The following TRAK1 variants were observed in gnomAD, a reference collection of about 807,000 sequenced individuals.
TRAK1 encodes trafficking kinesin-binding protein 1.
A neutral mutation model predicts 92.1 loss-of-function variants in TRAK1; 33 were observed. The observed-to-expected ratio is 0.36, with a 90% CI of 0.27 to 0.48. The LOEUF (loss-of-function observed/expected upper bound fraction) is 0.48, where lower values mean the gene tolerates loss of function less well. Among genes scored for constraint, TRAK1 ranks in the 20% least tolerant of loss-of-function variants. The pLI is 0.99. For missense variants in TRAK1, 1,123 were observed against 1,257.9 expected (o/e 0.89, Z 1.62); for synonymous variants, 521 against 517.3 (o/e 1.01, Z -0.10).
At chr3:42,143,881 T>C (rs746276493) in intron 2 of TRAK1, among the ~76,000 whole-genome samples, 32 of 152,222 alleles carry the variant, frequency 2.1e-4, no homozygotes, top group Non-Finnish European at 4.0e-4. Flanking sequence ...TTACTTTGTC[T>C]TTCCAAGCAT....
At chr3:42,143,623 C>A (rs1296836543) in intron 2 of TRAK1, among the ~76,000 whole-genome samples, 1 of 152,116 alleles carries the variant, frequency 6.6e-6, no homozygotes, top group Non-Finnish European at 1.5e-5. Flanking sequence ...AATGGCTGAC[C>A]AGTGGCTGTG....
chr3:42,102,744 C>T (rs1706972177), intron 1 of TRAK1, among the ~76,000 whole-genome samples: 1 of 152,148 alleles, frequency 6.6e-6, no homozygotes, highest in Non-Finnish European at 1.5e-5. Context: ...TGATTTATTT[C>T]CCTTACTGCG....
At chr3:42,056,313 G>C (rs1222820170) in intron 1 of TRAK1, among the ~76,000 whole-genome samples, 2 of 152,250 alleles carry the variant, frequency 1.3e-5, no homozygotes, top group Middle Eastern at 3.4e-3. Flanking sequence ...AGTGAGTGAG[G>C]GTTCTGGTTT....
intron 1 of TRAK1, among the ~76,000 whole-genome samples, chr3:42,111,523 G>A (rs1708404487): frequency 6.6e-6 from 1 of 151,896 alleles, no homozygotes; most frequent in Admixed American, 6.6e-5. Flanking sequence ...AGCCTCCCGA[G>A]TAGCTGGGAC....
chr3:42,174,120 G>A (rs946146638), intron 2 of TRAK1, among the ~76,000 whole-genome samples: 5 of 152,216 alleles, frequency 3.3e-5, no homozygotes, highest in Non-Finnish European at 5.9e-5. Flanking sequence ...TCCACCTCCC[G>A]GGTCCAAGCA....
At chr3:42,182,315 C>CT (rs920264881) in intron 3 of TRAK1, among the ~76,000 whole-genome samples, 8 of 103,246 alleles carry the variant, frequency 7.7e-5, no homozygotes. Context: ...TTTTTTTTTT[C>CT]TTTTTTTGAG....
intron 8 of TRAK1, 68 bp downstream of exon 8, chr3:42,193,273 T>A: frequency 1.9e-6 from 3 of 1,585,692 alleles, no homozygotes; most frequent in Non-Finnish European, 2.6e-6. Context: ...GGACATTTAC[T>A]CCAGAAGACA....
chr3:42,094,219 C>T (rs925248905), intron 1 of TRAK1, among the ~76,000 whole-genome samples: 1 of 152,184 alleles, frequency 6.6e-6, no homozygotes, highest in African/African-American at 2.4e-5. Context: ...CAATGCCAGG[C>T]TCAGGCTGAG....
chr3:42,122,137 A>AT (rs943472799), intron 1 of TRAK1, among the ~76,000 whole-genome samples: 4 of 152,070 alleles, frequency 2.6e-5, no homozygotes, highest in Non-Finnish European at 4.4e-5. Context: ...TTAAAAAGGC[A>AT]TTTTTTCATA....
At chr3:42,111,325 T>C (rs975490607) in intron 1 of TRAK1, among the ~76,000 whole-genome samples, 5 of 152,154 alleles carry the variant, frequency 3.3e-5, no homozygotes. Context: ...TACCAGTCCT[T>C]TTCCCAAAAC....
intron 1 of TRAK1, among the ~76,000 whole-genome samples, chr3:42,075,273 G>A (rs897738720): frequency 3.3e-5 from 5 of 149,380 alleles, no homozygotes; most frequent in African/African-American, 1.2e-4. Context: ...CATGGGAAGG[G>A]GATGTTGCAG....
intron 2 of TRAK1, among the ~76,000 whole-genome samples, chr3:42,152,564 A>T (rs559189617): frequency 6.6e-6 from 1 of 152,260 alleles, no homozygotes; most frequent in African/African-American, 2.4e-5. Context: ...TTTTTAGCAC[A>T]TGCTTTGGGG....
chr3:42,095,721 A>T (rs1013262592), intron 1 of TRAK1, among the ~76,000 whole-genome samples: 1 of 150,904 alleles, frequency 6.6e-6, no homozygotes, highest in African/African-American at 2.4e-5. Flanking sequence ...TATCATCGTC[A>T]TCATCATCAT....
intron 1 of TRAK1, among the ~76,000 whole-genome samples, chr3:42,032,643 T>C (rs1010857381): frequency 6.6e-6 from 1 of 152,240 alleles, no homozygotes; most frequent in African/African-American, 2.4e-5. Context: ...TATTGTCATA[T>C]CTTTTATTTC....
Position 42,149,488 on chromosome 3 carries a change from G to A in TRAK1, c.286+23874G>A, listed in dbSNP as rs1439870734. The stretch of plus-strand genomic sequence containing the variant: ...GAGGCATGGCAGCGTTTTACTTGAC[G>A]TTGATGGTGCTGTGAAGTCCATTCT... On this transcript the variant is annotated intron_variant, in intron 2 of 15. Transcript: ENST00000327628. 3.9e-6 allele frequency: 6 copies of A among 1,535,788 alleles called. No homozygotes were observed. The African/African-American group carries it at 4.1e-5, about 11-fold the overall frequency.
intron 8 of TRAK1, 105 bp from the exon 9 acceptor site, chr3:42,193,719 C>T (rs1025849255): frequency 1.7e-6 from 2 of 1,161,276 alleles, no homozygotes; most frequent in Admixed American, 3.4e-5. Context: ...ATGAGCATGT[C>T]CTTGTAGAAA....
chr3:42,138,876 G>GGT (rs60025099), intron 2 of TRAK1, among the ~76,000 whole-genome samples: 1,368 of 118,750 alleles, frequency 0.012, 16 homozygotes, highest in Middle Eastern at 0.018. Flanking sequence ...AAGCATAGGG[G>GGT]GTGTGTGTGT....
chr3:42,195,525 T>A (rs900151913), intron 10 of TRAK1, among the ~76,000 whole-genome samples: 1 of 152,120 alleles, frequency 6.6e-6, no homozygotes, highest in Non-Finnish European at 1.5e-5. Flanking sequence ...ATTCTGTCCC[T>A]TCTGAAATTG....
intron 2 of TRAK1, chr3:42,160,590 T>G: frequency 8.7e-7 from 1 of 1,150,552 alleles, no homozygotes; most frequent in East Asian, 2.6e-5. Flanking sequence ...AGTTGAGGTA[T>G]AAGTTAGAGA....
Sources: allele counts gnomAD v4.1 joint callset (sites outside exome capture counted in the v4.1 genomes callset), GRCh38; gene constraint gnomAD v4.1.1; transcripts MANE v1.5; gene names NCBI Gene and HGNC (gene_info 2026-07-23, HGNC 2026-07-21).